The following MESP1 variants were observed in gnomAD, a reference collection of about 807,000 sequenced individuals.
MESP1 encodes the protein mesoderm posterior bHLH transcription factor 1.
In MESP1, 22 loss-of-function variants were observed where a neutral mutation model predicts 15.2. The ratio of observed to expected loss-of-function variants is 1.45; its 90% CI spans 1.04 to 2.07. The LOEUF (loss-of-function observed/expected upper bound fraction) is 2.07. MESP1 is among the 30% of genes most tolerant of loss of function. The pLI is 0.00. For synonymous variants in MESP1, 216 were observed against 192.6 expected (o/e 1.12, Z -1.01); for missense variants, 484 against 411.9 (o/e 1.17, Z -1.51).
the MESP1 span, among the ~76,000 whole-genome samples, chr15:89,734,020 CG>C: frequency 2.0e-5 from 3 of 151,786 alleles, no homozygotes; most frequent in Admixed American, 1.3e-4. Flanking sequence ...TGTGCGCGCG[CG>C]CATGTGTGTA....
the MESP1 span, among the ~76,000 whole-genome samples, chr15:89,742,824 C>T: frequency 6.6e-6 from 1 of 152,330 alleles, no homozygotes; most frequent in African/African-American, 2.4e-5. Context: ...TGAGCCACCG[C>T]GCCTGGCCAA....
chr15:89,750,215 C>G lies in MESP1; in HGVS notation c.736G>C (p.Asp246His). ...PSPPSPLLPG[D>H]VLALLETWMP... ...CAGGTCTCCAACAGAGCCAGCACGT[C>G]GCCCGGAAGGAGCTGTAGGGAGAGA... is the stretch of plus-strand genomic sequence containing the variant. Residue 246 changes from aspartate (D) to histidine (H), a missense_variant, in exon 2 of 2, where the codon GAC (aspartate) becomes CAC (histidine). Asp to His is a moderately conservative substitution (Grantham distance 81). Coordinates refer to ENST00000300057, the MANE Select transcript of MESP1 (RefSeq NM_018670.4). 1.2e-6 allele frequency: 2 copies of G among 1,614,064 alleles called. No homozygotes were observed. Among genetic ancestry groups the G allele is most frequent in the Non-Finnish European group, 1.7e-6 (2 of 1,180,026 alleles).
chr15:89,732,615 C>CCACACA, the MESP1 span, among the ~76,000 whole-genome samples: 5,604 of 148,532 alleles, frequency 0.038, 298 homozygotes, highest in African/African-American at 0.12. Context: ...TGTTGTTTGG[C>CCACACA]CACACACACA....
the MESP1 span, among the ~76,000 whole-genome samples, chr15:89,733,392 A>G: frequency 6.6e-6 from 1 of 152,110 alleles, no homozygotes; most frequent in African/African-American, 2.4e-5. Flanking sequence ...AATTTTTTCT[A>G]ACAAAATTGT....
At chr15:89,742,775 C>T in the MESP1 span, among the ~76,000 whole-genome samples, 6 of 152,196 alleles carry the variant, frequency 3.9e-5, no homozygotes, top group South Asian at 2.1e-4. Flanking sequence ...TCAGGTGATC[C>T]GCCTGCCTTG....
the MESP1 span, chr15:89,738,312 A>C: frequency 1.4e-6 from 2 of 1,461,620 alleles, no homozygotes; most frequent in South Asian, 1.4e-5. Flanking sequence ...AGTTTCTTTC[A>C]TGGTAAATCC....
At chr15:89,736,645 G>GA in the MESP1 span, among the ~76,000 whole-genome samples, 1 of 152,088 alleles carries the variant, frequency 6.6e-6, no homozygotes, top group Non-Finnish European at 1.5e-5. Flanking sequence ...CTGTGCTGCA[G>GA]AAAAACCAAG....
downstream of MESP1, among the ~76,000 whole-genome samples, chr15:89,747,837 AC>A (rs1968000781): frequency 6.6e-6 from 1 of 152,046 alleles, no homozygotes; most frequent in South Asian, 2.1e-4. Context: ...CTCCACTACC[AC>A]CCGGCACGGG....
downstream of MESP1, among the ~76,000 whole-genome samples, chr15:89,746,484 TACACACACAGCCCCGCCTCCACAC>T (rs1278506711): frequency 7.4e-3 from 643 of 86,528 alleles, 5 homozygotes; most frequent in African/African-American, 0.027. Context: ...GCCCTGCCTC[TACACACACAGCCCCGCCTCCACAC>T]ACACACACAG....
rs1968095615 is a variant in MESP1 at position 89,751,227 on chromosome 15, G to T, written c.5C>A (p.Ala2Asp). Residue 2 changes from alanine (A) to aspartate (D), a missense_variant, in exon 1 of 2, where the codon GCC becomes GAC. Transcript: ENST00000300057. Reference sequence around the variant, plus strand: ...GGAGAGCGGCGGGCACAGGGGCTGGGCCATGGCAGCGGCGGCGCGTCTGGG... The same window carrying T: ...GGAGAGCGGCGGGCACAGGGGCTGGTCCATGGCAGCGGCGGCGCGTCTGGG... M[A>D]QPLCPPLSES... The T allele has an allele frequency of 8.1e-7, 1 of 1,238,318 alleles. No individual in the cohort carries two copies. Among genetic ancestry groups the T allele is most frequent in the Non-Finnish European group, 1.0e-6 (1 of 992,026 alleles). The allele number at this position is 1,238,318 out of a possible 1,614,324, so 76.7% of individuals were successfully genotyped here.
downstream of MESP1, chr15:89,749,262 T>C (rs1337893112): frequency 6.6e-6 from 1 of 152,106 alleles, no homozygotes; most frequent in Non-Finnish European, 1.5e-5. Context: ...CGCCACACCA[T>C]TATTTATGTC....
At chr15:89,744,865 A>G in the MESP1 span, among the ~76,000 whole-genome samples, 1 of 152,172 alleles carries the variant, frequency 6.6e-6, no homozygotes, top group Non-Finnish European at 1.5e-5. Flanking sequence ...GTGACACCAG[A>G]AGCACCCGGT....
At chr15:89,732,682 G>A in the MESP1 span, among the ~76,000 whole-genome samples, 4 of 150,984 alleles carry the variant, frequency 2.6e-5, no homozygotes, top group South Asian at 8.4e-4. Flanking sequence ...CTGCCCATAC[G>A]CCTTTGCATC....
chr15:89,743,310 G>C, the MESP1 span: 1 of 1,614,216 alleles, frequency 6.2e-7, no homozygotes, highest in South Asian at 1.1e-5. Flanking sequence ...AGCTGGAGAA[G>C]AACCCAGAGA....
chr15:89,751,075 C>CACGGGGCTCGT lies in MESP1; in HGVS notation c.156_157insACGAGCCCCGT (p.Ala53ThrfsTer21). ...AGGGTGCCTGGCCGCGCGGGGCTCG[C>CACGGGGCTCGT]CACGGGGCTGTCGGCTGGGGTGCTG... is the stretch of plus-strand genomic sequence containing the variant. On this transcript the variant is annotated frameshift_variant, in exon 1 of 2. Coordinates refer to ENST00000300057, the MANE Select transcript of MESP1 (RefSeq NM_018670.4). LOFTEE classifies it high-confidence loss of function. 7.6e-7 allele frequency: 1 copy of CACGGGGCTCGT among 1,316,372 alleles called. No individual in the cohort carries two copies. The highest frequency in any genetic ancestry group is 9.6e-7 in the Non-Finnish European group (1 of 1,037,804). 81.5% of individuals were successfully genotyped at this position (1,316,372 alleles called of 1,614,324 possible). A position where few individuals can be genotyped will look rare whatever the true frequency, so the allele number is the denominator to read the frequency against.
chr15:89,734,544 G>A, the MESP1 span, among the ~76,000 whole-genome samples: 1 of 152,138 alleles, frequency 6.6e-6, no homozygotes, highest in Non-Finnish European at 1.5e-5. Flanking sequence ...ATTGGGCAAA[G>A]CACATCCCAC....
chr15:89,738,303 GT>G, the MESP1 span: 1,199 of 1,479,610 alleles, frequency 8.1e-4, 6 homozygotes, highest in African/African-American at 0.014. Context: ...GGATAGTGGA[GT>G]TTCTTTCATG....
chr15:89,747,286 CAG>C (rs1203703198), downstream of MESP1, among the ~76,000 whole-genome samples: 4 of 152,198 alleles, frequency 2.6e-5, no homozygotes, highest in East Asian at 1.9e-4. Flanking sequence ...GCCTGTAAAA[CAG>C]AGAGAGTGCA....
At chr15:89,750,399 T>A in intron 1 of MESP1, 110 bp downstream of exon 1, 1 of 1,451,814 alleles carries the variant, frequency 6.9e-7, no homozygotes, top group South Asian at 1.4e-5. Context: ...GGTGGCCAGG[T>A]GGCCAGGCTG....
Sources: allele counts gnomAD v4.1 joint callset (sites outside exome capture counted in the v4.1 genomes callset), GRCh38; gene constraint gnomAD v4.1.1; transcripts MANE v1.5; gene names NCBI Gene and HGNC (gene_info 2026-07-23, HGNC 2026-07-21).